RYR1: variants seen among roughly 807,000 people sequenced by gnomAD.
RYR1 encodes ryanodine receptor 1, also known as central core disease of muscle.
In RYR1, 342 loss-of-function variants were observed where a neutral mutation model predicts 583.5. That is an observed-to-expected ratio of 0.59 (90% CI 0.54 to 0.64). RYR1 has a LOEUF of 0.64. RYR1 is among the 30% of genes least tolerant of loss of function. RYR1 has a pLI of 0.00. For synonymous variants in RYR1, 2,791 were observed against 2,822.5 expected (o/e 0.99, Z 0.35); for missense variants, 6,032 against 6,917.2 (o/e 0.87, Z 4.54).
At chr19:38,467,530 C>T in intron 24 of RYR1, 80 bp from the exon 25 acceptor site, 3 of 1,464,446 alleles carry the variant, frequency 2.0e-6, no homozygotes, top group Non-Finnish European at 2.9e-6. Flanking sequence ...TCCCCCAAAG[C>T]CTGTCTTCTA....
intron 20 of RYR1, among the ~76,000 whole-genome samples, chr19:38,461,213 G>A (rs779182045): frequency 1.5e-4 from 23 of 152,050 alleles, no homozygotes; most frequent in Non-Finnish European, 2.1e-4. Flanking sequence ...GGGGCCTCGC[G>A]CTTGAGCCCG....
rs779733902 is a variant in RYR1, at chr19:38,490,181, C to T, written c.5920C>T (p.Arg1974Trp). 39 of 1,614,220 alleles carry T rather than the reference C, an allele frequency of 2.4e-5. No homozygotes were observed. Among genetic ancestry groups the T allele is most frequent in the Middle Eastern group, 1.6e-4 (1 of 6,062 alleles). ...RYVDKLQANQ[R>W]SRYGLLIKAF... is the part of the protein sequence containing the mutation. Reference sequence around the variant, plus strand: ...TGTGGACAAGCTCCAGGCCAACCAGCGGAGCCGCTATGGCCTCCTCATAAA... The same window carrying T: ...TGTGGACAAGCTCCAGGCCAACCAGTGGAGCCGCTATGGCCTCCTCATAAA... The change falls in exon 36 of 106, where the codon CGG becomes TGG. Residue 1974 changes from arginine to tryptophan, a missense_variant. Physicochemically the swap from Arg to Trp is moderately radical, Grantham distance 101. Around this residue, in one of 11 missense-constraint regions of RYR1, gnomAD observed 2,627 missense variants for 2,961.3 expected, o/e 0.89. Transcript: ENST00000359596.
Position 38,565,892 on chromosome 19 carries a change from A to C in RYR1, c.13437+121A>C. 2 of 1,154,258 alleles carry C rather than the reference A, an allele frequency of 1.7e-6. No individual in the cohort carries two copies. The highest frequency in any genetic ancestry group is 2.2e-6 in the Non-Finnish European group (2 of 897,592). The allele number at this position is 1,154,258 out of a possible 1,614,324, so 71.5% of individuals were successfully genotyped here. Reference sequence around the variant, plus strand: ...ACTGGCTAGGGGGATGGGCACACGCACCCACGGAGGACGCACCCATGGAGG... The same window carrying C: ...ACTGGCTAGGGGGATGGGCACACGCCCCCACGGAGGACGCACCCATGGAGG... On this transcript the variant is annotated intron_variant, in intron 91 of 105. Coordinates refer to ENST00000359596, the MANE Select transcript of RYR1 (RefSeq NM_000540.3). The surrounding 1 kb of genome is among the most constrained non-coding windows in gnomAD (Gnocchi z 4.7).
chr19:38,476,329 G>A (rs1968726124), intron 29 of RYR1, among the ~76,000 whole-genome samples: 2 of 152,142 alleles, frequency 1.3e-5, no homozygotes, highest in Admixed American at 6.5e-5. Context: ...CTCCCAAGTA[G>A]CTGGGACTAT....
In RYR1 at chr19:38,446,557, C is replaced by A; in HGVS notation, c.717C>A (p.Asp239Glu). Residue 239 changes from aspartate (D) to glutamate (E), a missense_variant, in exon 8 of 106, where the codon GAC becomes GAA. By Grantham distance (45) the Asp-to-Glu change is conservative. Transcript: ENST00000359596. ...CLTISPADSD[D>E]QRRLVYYEGG... ...CCATTTCCCCTGCTGACAGTGATGA[C>A]CAGCGCAGGTCTGGGCTGTGGACGA... 1 of 1,613,572 alleles carries A rather than the reference C, an allele frequency of 6.2e-7. No individual in the cohort carries two copies. The highest frequency in any genetic ancestry group is 8.5e-7 in the Non-Finnish European group (1 of 1,179,506).
At chr19:38,553,659 A>G (rs1463669807) in intron 89 of RYR1, among the ~76,000 whole-genome samples, 1 of 152,148 alleles carries the variant, frequency 6.6e-6, no homozygotes, top group Non-Finnish European at 1.5e-5. Flanking sequence ...TTGTCTCAAA[A>G]AAACATTTAT....
At position 38,446,652 on chromosome 19, in the gene RYR1, G is replaced by A. The variant is rs115044564; in HGVS notation, c.726-42G>A. The A allele has an allele frequency of 2.2e-4, 357 of 1,605,988 alleles. 1 individual carries two copies. In the African/African-American group the frequency reaches 3.9e-3, roughly 17 times the overall value. ...TGAGTAGGATTAGGGACCAGATTCC[G>A]GGGAGCTGAACCCTTGACTTCACTC... On this transcript the variant is annotated intron_variant, in intron 8 of 105. Coordinates refer to ENST00000359596, the MANE Select transcript of RYR1 (RefSeq NM_000540.3).
At chr19:38,534,935 C>T (rs1017654108) in intron 79 of RYR1, 116 bp downstream of exon 79, 95 of 1,208,364 alleles carry the variant, frequency 7.9e-5, no homozygotes, top group South Asian at 5.3e-4. Flanking sequence ...GTGGTTTGCA[C>T]GCACACCCCA....
chr19:38,534,104 C>T (rs889367180), intron 78 of RYR1, among the ~76,000 whole-genome samples: 5 of 151,314 alleles, frequency 3.3e-5, no homozygotes, highest in African/African-American at 4.9e-5. Flanking sequence ...CTCCACCTCC[C>T]GGGTTCAAGC....
At position 38,463,448 on chromosome 19, in the gene RYR1, G is replaced by A. The variant is rs750938678; in HGVS notation, c.2603G>A (p.Arg868His). 2.6e-4 allele frequency: 417 copies of A among 1,613,936 alleles called. 1 individual carries two copies. The South Asian group carries it at 2.9e-3, about 11-fold the overall frequency. The change falls in exon 21 of 106, where the codon CGC becomes CAC. Residue 868 changes from arginine to histidine, a missense_variant. By Grantham distance (29) the Arg-to-His change is conservative. This residue lies in a region of RYR1 where 2,627 missense variants were observed against 2,961.3 expected (regional missense o/e 0.89). Coordinates refer to ENST00000359596, the MANE Select transcript of RYR1 (RefSeq NM_000540.3). ...VQIVLPPHLE[R>H]IREKLAENIH... ...ATTGTCCTGCCGCCCCATCTGGAGCGCATTCGGGAGAAGCTGGCGGAGAAC... is the reference window on the plus strand; with the variant it reads ...ATTGTCCTGCCGCCCCATCTGGAGCACATTCGGGAGAAGCTGGCGGAGAAC...
chr19:38,519,424 C>T lies in RYR1; in HGVS notation c.10229C>T (p.Pro3410Leu), dbSNP rs769196275. The change falls in exon 67 of 106, where the codon CCG (proline) becomes CTG (leucine). Residue 3410 changes from proline to leucine, a missense_variant. By Grantham distance (98) the Pro-to-Leu change is moderately conservative (BLOSUM62 -3). Coordinates refer to ENST00000359596, the MANE Select transcript of RYR1 (RefSeq NM_000540.3). The stretch of plus-strand genomic sequence containing the variant: ...TGCCGGGACCTCTACGCCCTGTATC[C>T]GCTGCTCATCCGCTACGTGGACAAC... ...VLCRDLYALYPLLIRYVDNNR... is the reference protein window; with the variant it reads ...VLCRDLYALYLLLIRYVDNNR... 1.4e-5 allele frequency: 23 copies of T among 1,600,708 alleles called. No individual in the cohort carries two copies. Among genetic ancestry groups the T allele is most frequent in the Non-Finnish European group, 1.9e-5 (22 of 1,174,756 alleles).
chr19:38,449,871 T>C (rs1966987952), intron 11 of RYR1, among the ~76,000 whole-genome samples: 1 of 152,164 alleles, frequency 6.6e-6, no homozygotes, highest in African/African-American at 2.4e-5. Flanking sequence ...TTGTGGGCCA[T>C]GGGAGAGGTC....
At chr19:38,575,515 T>C (rs1293065388) in intron 96 of RYR1, among the ~76,000 whole-genome samples, 6 of 145,952 alleles carry the variant, frequency 4.1e-5, no homozygotes, top group African/African-American at 1.6e-4. Flanking sequence ...AATACAAAAA[T>C]TAGCCGGGCG....
intron 2 of RYR1, 100 bp from the exon 3 acceptor site, chr19:38,442,247 CAA>C (rs1307595269): frequency 1.2e-6 from 1 of 829,774 alleles, no homozygotes; most frequent in East Asian, 2.5e-5. Context: ...TCTGGCGTCT[CAA>C]GAGTGTGGGC....
At chr19:38,504,958 A>G (rs932519582) in intron 51 of RYR1, 45 bp from the exon 52 acceptor site, 11 of 1,613,528 alleles carry the variant, frequency 6.8e-6, no homozygotes, top group Non-Finnish European at 9.3e-6. Flanking sequence ...TCAGGGGTGG[A>G]GGGAACCCCA....
chr19:38,564,963 A>T lies in RYR1; in HGVS notation c.12629A>T (p.Lys4210Met). 1 of 1,582,648 alleles carries T rather than the reference A, an allele frequency of 6.3e-7. No individual in the cohort carries two copies. The change falls in exon 91 of 106, where the codon AAG (lysine) becomes ATG (methionine). Residue 4210 changes from lysine (K) to methionine (M), a missense_variant. Lys to Met is a moderately conservative substitution (Grantham distance 95). Coordinates refer to ENST00000359596, the MANE Select transcript of RYR1 (RefSeq NM_000540.3). ...GTCTGCCGCCCCTCGCTTCAGGTGA[A>T]GGAGTCCAAGCGCCAGTTCATCTTC... Reference protein sequence around the residue: ...NRAQWEMPQVKESKRQFIFDV... With the variant: ...NRAQWEMPQVMESKRQFIFDV...
rs1971891151 is a variant in RYR1 at position 38,534,772 on chromosome 19, C to T, written c.11312C>T (p.Thr3771Ile). ...RLLYQQARLH[T>I]RGAAEMVLQM... ...TTGTACCAGCAAGCACGGCTGCACA[C>T]CCGGGGGGCGGCCGAGATGGTGCTG... Residue 3771 changes from threonine to isoleucine, a missense_variant, in exon 79 of 106, where the codon ACC becomes ATC. This residue lies in a region of RYR1 where 1,493 missense variants were observed against 1,715.5 expected (regional missense o/e 0.87). Coordinates refer to ENST00000359596, the MANE Select transcript of RYR1 (RefSeq NM_000540.3). 1 of 1,614,036 alleles carries T rather than the reference C, an allele frequency of 6.2e-7. No individual in the cohort carries two copies. The highest frequency in any genetic ancestry group is 1.7e-5 in the Admixed American group (1 of 60,020).
Position 38,475,449 on chromosome 19 carries a change from C to T in RYR1, c.4292C>T (p.Thr1431Met), listed in dbSNP as rs191656849. The stretch of plus-strand genomic sequence containing the variant: ...CCCGAGATCATCCTCAACACCACCA[C>T]GGTGTGGACCAGTAACCCTCAATTT... Reference protein sequence around the residue: ...DDPEIILNTTTYYYSVRVFAG... With the variant: ...DDPEIILNTTMYYYSVRVFAG... The change falls in exon 29 of 106, where the codon ACG becomes ATG. Residue 1431 changes from threonine (T) to methionine (M), a missense_variant and splice_region_variant. Physicochemically the swap from Thr to Met is moderately conservative, Grantham distance 81. Around this residue, in one of 11 missense-constraint regions of RYR1, gnomAD observed 2,627 missense variants for 2,961.3 expected, o/e 0.89. Coordinates refer to ENST00000359596, the MANE Select transcript of RYR1 (RefSeq NM_000540.3). 290 of 1,613,572 alleles carry T rather than the reference C, an allele frequency of 1.8e-4. No homozygotes were observed. The highest frequency in any genetic ancestry group is 3.1e-4 in the East Asian group (14 of 44,876).
intron 39 of RYR1, among the ~76,000 whole-genome samples, chr19:38,495,719 C>G (rs2145583271): frequency 6.6e-6 from 1 of 152,248 alleles, no homozygotes; most frequent in African/African-American, 2.4e-5. Context: ...ACGCCTCAGT[C>G]TCCTTATGAG....
Sources: gnomAD v4.1 joint callset for allele counts (sites outside exome capture counted in the v4.1 genomes callset) on GRCh38, gnomAD v4.1.1 for gene constraint, gnomAD v4.1.1 regional missense constraint, Gnocchi (gnomAD v3.1) non-coding constraint, MANE v1.5 for transcripts, NCBI Gene and HGNC (gene_info 2026-07-23, HGNC 2026-07-21) for gene names.